Variants in PTPRG observed in about 807,000 individuals in gnomAD.
PTPRG encodes protein tyrosine phosphatase receptor type G.
A neutral mutation model predicts 165.3 loss-of-function variants in PTPRG; 102 were observed. The observed-to-expected ratio is 0.62, with a 90% CI of 0.53 to 0.73. PTPRG has a LOEUF of 0.73. Ranked by LOEUF, PTPRG falls within the 30% of genes least tolerant of loss-of-function variation. The pLI, the probability that PTPRG is intolerant of heterozygous loss-of-function variation, is 0.00. For missense variants in PTPRG, 1,866 were observed against 1,861.4 expected (o/e 1.00, Z -0.05); for synonymous variants, 675 against 669.5 (o/e 1.01, Z -0.13).
chr3:61,764,672 G>A (rs1304042677), intron 2 of PTPRG, among the ~76,000 whole-genome samples: 1 of 152,096 alleles, frequency 6.6e-6, no homozygotes, highest in Non-Finnish European at 1.5e-5. Flanking sequence ...AGAGGGAAGC[G>A]GGGGAGATAA....
intron 1 of PTPRG, among the ~76,000 whole-genome samples, chr3:61,716,864 C>T (rs1428407503): frequency 2.0e-5 from 3 of 152,124 alleles, no homozygotes; most frequent in Non-Finnish European, 2.9e-5. Context: ...CCCAGCTACT[C>T]AGGAGGCTGA....
intron 1 of PTPRG, among the ~76,000 whole-genome samples, chr3:61,627,698 A>G (rs1222148897): frequency 6.6e-6 from 1 of 152,238 alleles, no homozygotes; most frequent in Non-Finnish European, 1.5e-5. Flanking sequence ...TTTAAATTTT[A>G]GAATGCTTTT....
intron 1 of PTPRG, among the ~76,000 whole-genome samples, chr3:61,615,645 T>G (rs1425514286): frequency 6.6e-6 from 1 of 152,238 alleles, no homozygotes; most frequent in African/African-American, 2.4e-5. Context: ...ACTCTTTATT[T>G]GACTTAATCC....
intron 1 of PTPRG, among the ~76,000 whole-genome samples, chr3:61,565,384 C>T (rs1244971244): frequency 6.6e-6 from 1 of 152,044 alleles, no homozygotes; most frequent in East Asian, 1.9e-4. Flanking sequence ...ACAAAAATAG[C>T]AAAATATAAT....
chr3:62,032,244 A>G (rs1324707808), intron 4 of PTPRG, among the ~76,000 whole-genome samples: 1 of 152,198 alleles, frequency 6.6e-6, no homozygotes, highest in Non-Finnish European at 1.5e-5. Context: ...TTTGAGAAAT[A>G]TAGGATTAGT....
intron 2 of PTPRG, among the ~76,000 whole-genome samples, chr3:61,822,058 A>T (rs1002402947): frequency 3.9e-5 from 6 of 152,228 alleles, no homozygotes; most frequent in African/African-American, 1.4e-4. Context: ...AACTTGCCTA[A>T]GTAATTAGTT....
In PTPRG at chr3:62,280,212, A is replaced by G. The variant is rs537590538; in HGVS notation, c.3766-1351A>G. On this transcript the variant is annotated intron_variant, in intron 26 of 29. Transcript: ENST00000474889. ...ATACAGCCAACCTACTTACTCACAC[A>G]CAATCTTCCAAAAAAGTTCTATCCC... is the stretch of plus-strand genomic sequence containing the variant. Among the ~76,000 whole-genome samples, 253 of 152,082 alleles carry G rather than the reference A, an allele frequency of 1.7e-3. 1 individual carries two copies. The highest frequency in any genetic ancestry group is 2.2e-3 in the Non-Finnish European group (148 of 67,952).
intron 8 of PTPRG, among the ~76,000 whole-genome samples, chr3:62,175,094 C>G (rs903319993): frequency 6.6e-6 from 1 of 152,178 alleles, no homozygotes; most frequent in African/African-American, 2.4e-5. Context: ...TTTAAATGCT[C>G]AGACATTTCA....
At chr3:61,965,468 A>T (rs1048224661) in intron 2 of PTPRG, among the ~76,000 whole-genome samples, 4 of 147,198 alleles carry the variant, frequency 2.7e-5, no homozygotes, top group African/African-American at 7.7e-5. Flanking sequence ...AGCCTGGGTG[A>T]CAGAGCAAGA....
At chr3:62,024,344 C>T (rs1451919844) in intron 4 of PTPRG, among the ~76,000 whole-genome samples, 1 of 152,148 alleles carries the variant, frequency 6.6e-6, no homozygotes, top group East Asian at 1.9e-4. Context: ...CCCACTTGTC[C>T]ATGATATAAT....
chr3:61,893,541 C>T (rs903310699), intron 2 of PTPRG, among the ~76,000 whole-genome samples: 2 of 152,208 alleles, frequency 1.3e-5, no homozygotes, highest in Non-Finnish European at 2.9e-5. Flanking sequence ...GCGCAGCTGC[C>T]TCTGCAGTTT....
chr3:61,889,526 T>G (rs949583277), intron 2 of PTPRG, among the ~76,000 whole-genome samples: 9 of 152,246 alleles, frequency 5.9e-5, no homozygotes, highest in Admixed American at 2.0e-4. Flanking sequence ...ATGTGAAAAC[T>G]TAGCCATTAA....
At chr3:61,837,496 A>T (rs1029897929) in intron 2 of PTPRG, among the ~76,000 whole-genome samples, 10 of 152,214 alleles carry the variant, frequency 6.6e-5, no homozygotes, top group Non-Finnish European at 2.9e-5. Context: ...TTCGGCATGC[A>T]GGGGGTACTA....
chr3:61,597,159 A>C (rs1005942914), intron 1 of PTPRG, among the ~76,000 whole-genome samples: 1 of 152,166 alleles, frequency 6.6e-6, no homozygotes, highest in Non-Finnish European at 1.5e-5. Flanking sequence ...ACATTAATCC[A>C]TTCATGAGGG....
rs11329820 is a variant in PTPRG at position 61,820,603 on chromosome 3, G to GTTTTTTTTT, written c.190+71639_190+71647dup. Among the ~76,000 whole-genome samples the GTTTTTTTTT allele has an allele frequency of 1.8e-3, 116 of 65,728 alleles. 2 individuals carry two copies. The highest frequency in any genetic ancestry group is 2.5e-3 in the Non-Finnish European group (92 of 36,162). The allele number at this position is 65,728 out of a possible 152,430, so 43.1% of individuals were successfully genotyped here. The stretch of plus-strand genomic sequence containing the variant: ...TTTAATTTCTTGTTCCTGTGTCTCT[G>GTTTTTTTTT]TTTTTTTTTTTTTTTTTTTTTTTTT... On this transcript the variant is annotated intron_variant, in intron 2 of 29. Transcript: ENST00000474889.
intron 2 of PTPRG, among the ~76,000 whole-genome samples, chr3:61,783,005 T>A (rs1349596549): frequency 6.6e-6 from 1 of 151,950 alleles, no homozygotes; most frequent in Non-Finnish European, 1.5e-5. Flanking sequence ...GGGGACTCAC[T>A]ATGTTGTCCA....
intron 1 of PTPRG, among the ~76,000 whole-genome samples, chr3:61,624,187 A>G (rs1701541919): frequency 6.6e-6 from 1 of 152,098 alleles, no homozygotes; most frequent in Non-Finnish European, 1.5e-5. Context: ...GTGAATTTAA[A>G]TCCCGACTCT....
At chr3:61,746,208 ATTT>A (rs750697053) in intron 1 of PTPRG, among the ~76,000 whole-genome samples, 21 of 81,322 alleles carry the variant, frequency 2.6e-4, no homozygotes, top group South Asian at 1.5e-3. Context: ...ACACACTCTA[ATTT>A]TTTTTTTTTT....
chr3:61,872,593 C>T (rs1221995346), intron 2 of PTPRG, among the ~76,000 whole-genome samples: 1 of 152,024 alleles, frequency 6.6e-6, no homozygotes, highest in East Asian at 1.9e-4. Context: ...TAAGTGCTCA[C>T]TCAATATTAA....
Sources: gnomAD v4.1 joint callset for allele counts (sites outside exome capture counted in the v4.1 genomes callset) on GRCh38, gnomAD v4.1.1 for gene constraint, MANE v1.5 for transcripts, NCBI Gene and HGNC (gene_info 2026-07-23, HGNC 2026-07-21) for gene names.